ARHGAP5: variants seen among roughly 807,000 people sequenced by gnomAD.
ARHGAP5 encodes rho GTPase-activating protein 5.
In ARHGAP5, 23 loss-of-function variants were observed where a neutral mutation model predicts 116.6. The observed-to-expected ratio is 0.20, with a 90% CI of 0.14 to 0.28. The LOEUF (loss-of-function observed/expected upper bound fraction) is 0.28. Ranked by LOEUF, ARHGAP5 falls within the 10% of genes least tolerant of loss-of-function variation. The pLI is 1.00. For missense variants in ARHGAP5, 1,405 were observed against 1,774.8 expected, an observed-to-expected ratio of 0.79 and a Z score of 3.74; for synonymous variants, 574 against 602.0, an observed-to-expected ratio of 0.95 and a Z score of 0.68.
At chr14:32,147,015 T>G (rs1196538121) in intron 4 of ARHGAP5, among the ~76,000 whole-genome samples, 2 of 152,228 alleles carry the variant, frequency 1.3e-5, no homozygotes, top group African/African-American at 4.8e-5. Context: ...TGACTGAACC[T>G]GTATAAATCC....
At chr14:32,103,772 A>T (rs1273981814) in intron 2 of ARHGAP5, among the ~76,000 whole-genome samples, 1 of 152,104 alleles carries the variant, frequency 6.6e-6, no homozygotes, top group Non-Finnish European at 1.5e-5. Context: ...TAAAGTGTGG[A>T]TGGAGTACTC....
intron 1 of ARHGAP5, among the ~76,000 whole-genome samples, chr14:32,081,792 T>C (rs2041777868): frequency 1.3e-5 from 2 of 152,234 alleles, no homozygotes. Context: ...GTTGATCATG[T>C]TCTTTTACTG....
At chr14:32,153,425 A>C (rs1022186969) in intron 6 of ARHGAP5, among the ~76,000 whole-genome samples, 3 of 134,908 alleles carry the variant, frequency 2.2e-5, no homozygotes, top group Non-Finnish European at 4.6e-5. Flanking sequence ...AAAAAAAAAA[A>C]AAAAAAAAAA....
chr14:32,149,836 C>G (rs1361445779), intron 4 of ARHGAP5, 66 bp from the exon 5 acceptor site: 4 of 919,814 alleles, frequency 4.3e-6, no homozygotes, highest in Non-Finnish European at 6.0e-6. Flanking sequence ...CTAAAAGTAA[C>G]CATTTAGCTT....
At chr14:32,077,830 G>A (rs2138986733) in intron 1 of ARHGAP5, among the ~76,000 whole-genome samples, 2 of 152,278 alleles carry the variant, frequency 1.3e-5, no homozygotes, top group South Asian at 4.2e-4. Context: ...CGTTGGCCGG[G>A]TTGCTGCTGT....
At chr14:32,119,517 A>G (rs1285159361) in intron 3 of ARHGAP5, among the ~76,000 whole-genome samples, 1 of 152,150 alleles carries the variant, frequency 6.6e-6, no homozygotes, top group African/African-American at 2.4e-5. Context: ...ATCGTACAGT[A>G]TGAATTTTTA....
At chr14:32,131,541 A>G (rs1165890359) in intron 3 of ARHGAP5, among the ~76,000 whole-genome samples, 2 of 151,384 alleles carry the variant, frequency 1.3e-5, no homozygotes, top group Non-Finnish European at 2.9e-5. Flanking sequence ...GGCAACCACC[A>G]TTTCATGTTC....
intron 3 of ARHGAP5, among the ~76,000 whole-genome samples, chr14:32,119,163 A>G (rs944951098): frequency 2.6e-5 from 4 of 152,074 alleles, no homozygotes; most frequent in African/African-American, 4.8e-5. Context: ...TTTAGCAGAA[A>G]TTCCTAATTG....
At chr14:32,122,329 T>C (rs145479461) in intron 3 of ARHGAP5, among the ~76,000 whole-genome samples, 1 of 152,232 alleles carries the variant, frequency 6.6e-6, no homozygotes, top group Admixed American at 6.5e-5. Context: ...TGAAGAAATA[T>C]CTATTCAGAT....
At chr14:32,106,601 C>G (rs905569359) in intron 2 of ARHGAP5, among the ~76,000 whole-genome samples, 19 of 152,060 alleles carry the variant, frequency 1.2e-4, no homozygotes, top group Non-Finnish European at 2.1e-4. Flanking sequence ...GTGCCTGATC[C>G]CTGTCCGTAC....
At chr14:32,087,300 ATCTC>A (rs2041839125) in intron 1 of ARHGAP5, among the ~76,000 whole-genome samples, 1 of 152,036 alleles carries the variant, frequency 6.6e-6, no homozygotes, top group Non-Finnish European at 1.5e-5. Context: ...TATATGAACT[ATCTC>A]AGTGTTTGAA....
At chr14:32,117,379 A>G (rs1879657194) in intron 3 of ARHGAP5, 92 bp downstream of exon 3, 1 of 1,180,464 alleles carries the variant, frequency 8.5e-7, no homozygotes. Context: ...TTGTTAATAT[A>G]GTTCTCATTA....
rs1427993748 is a variant in ARHGAP5, at chr14:32,155,405, T to G, written c.*457T>G. 6.5e-6 allele frequency: 1 copy of G among 153,976 alleles called. No individual in the cohort carries two copies. 9.5% of individuals were successfully genotyped at this position (153,976 alleles called of 1,614,324 possible). ...CATTCTGGCAGTCGGTGTAGATAAC[T>G]AAAAGCCCAGTTAAGTATTTTATAA... On this transcript the variant is annotated 3_prime_UTR_variant, in exon 7 of 7. Coordinates refer to ENST00000345122, the MANE Select transcript of ARHGAP5 (RefSeq NM_001030055.2).
intron 3 of ARHGAP5, among the ~76,000 whole-genome samples, chr14:32,143,526 G>A (rs1271104655): frequency 6.6e-6 from 1 of 152,154 alleles, no homozygotes. Flanking sequence ...TTACAGGCAT[G>A]AGCCACCGTG....
chr14:32,158,489 G>A lies in ARHGAP5; in HGVS notation c.*3541G>A, dbSNP rs1194087891. On this transcript the variant is annotated 3_prime_UTR_variant, in exon 7 of 7. Transcript: ENST00000345122. Reference sequence around the variant, plus strand: ...TTATAGCAGAGCTGCTAATATTAACGAATATATTTGTGTCTTCATGGTTTG... The same window carrying A: ...TTATAGCAGAGCTGCTAATATTAACAAATATATTTGTGTCTTCATGGTTTG... 1.3e-5 allele frequency: 2 copies of A among 151,898 alleles called. No individual in the cohort carries two copies. Among genetic ancestry groups the A allele is most frequent in the East Asian group, 1.9e-4 (1 of 5,204 alleles). The allele number at this position is 151,898 out of a possible 1,614,324, so 9.4% of individuals were successfully genotyped here.
chr14:32,152,755 T>C (rs552395005), intron 6 of ARHGAP5, among the ~76,000 whole-genome samples: 2 of 152,222 alleles, frequency 1.3e-5, no homozygotes, highest in East Asian at 1.9e-4. Context: ...TTTTACCACA[T>C]TCTCTGTAAA....
Position 32,092,390 on chromosome 14 carries a change from G to A in ARHGAP5, c.1721G>A (p.Ser574Asn). The change falls in exon 2 of 7, where the codon AGT becomes AAT. Residue 574 changes from serine to asparagine, a missense_variant. Ser to Asn is a conservative substitution (Grantham distance 46, BLOSUM62 1). This residue lies in a region of ARHGAP5 where 944 missense variants were observed against 1,095.3 expected (regional missense o/e 0.86). Coordinates refer to ENST00000345122, the MANE Select transcript of ARHGAP5 (RefSeq NM_001030055.2). The surrounding 1 kb of genome is among the most constrained non-coding windows in gnomAD (Gnocchi z 4.1). The part of the protein sequence containing the change: ...TDIKVEQLLA[S>N]SLLQLDHGRL... ...ATTAAAGTGGAGCAGTTACTTGCTA[G>A]TAGTCTTTTACAGTTGGATCATGGC... 6.2e-7 allele frequency: 1 copy of A among 1,613,458 alleles called. No homozygotes were observed. The highest frequency in any genetic ancestry group is 1.1e-5 in the South Asian group (1 of 90,958).
chr14:32,086,255 G>A (rs2139004824), intron 1 of ARHGAP5, among the ~76,000 whole-genome samples: 1 of 152,276 alleles, frequency 6.6e-6, no homozygotes, highest in East Asian at 1.9e-4. Flanking sequence ...AGTATTAGGG[G>A]AGGCCAGAGA....
chr14:32,123,249 A>G (rs1879979501), intron 3 of ARHGAP5, among the ~76,000 whole-genome samples: 1 of 152,014 alleles, frequency 6.6e-6, no homozygotes, highest in South Asian at 2.1e-4. Context: ...CTCTTAGTTT[A>G]TAATTTTCGA....
Sources: gnomAD v4.1 joint callset for allele counts (sites outside exome capture counted in the v4.1 genomes callset) on GRCh38, gnomAD v4.1.1 for gene constraint, gnomAD v4.1.1 regional missense constraint, Gnocchi (gnomAD v3.1) non-coding constraint, MANE v1.5 for transcripts, NCBI Gene and HGNC (gene_info 2026-07-23, HGNC 2026-07-21) for gene names.